RTL4: variants seen among roughly 807,000 people sequenced by gnomAD.
RTL4 encodes the protein retrotransposon Gag-like protein 4.
A neutral mutation model predicts 5.3 loss-of-function variants in RTL4; 4 were observed. The ratio of observed to expected loss-of-function variants is 0.75; its 90% CI spans 0.37 to 1.72. The LOEUF is 1.72. Among genes scored for constraint, RTL4 ranks in the 40% most tolerant of loss-of-function variants. The pLI is 0.04. For synonymous variants in RTL4, 98 were observed against 87.3 expected (o/e 1.12, Z -0.68); for missense variants, 260 against 227.1 (o/e 1.14, Z -0.93).
chrX:112,325,105 C>T, the RTL4 span, among the ~76,000 whole-genome samples: 1 of 111,179 alleles, frequency 9.0e-6, no homozygotes. Context: ...ATGTGAAGGA[C>T]CTCTTCAAGG....
the RTL4 span, among the ~76,000 whole-genome samples, chrX:112,162,590 G>T: frequency 9.0e-6 from 1 of 111,641 alleles, no homozygotes; most frequent in Non-Finnish European, 1.9e-5. Flanking sequence ...CAATTAAATG[G>T]AAATAATTCT....
the RTL4 span, among the ~76,000 whole-genome samples, chrX:112,183,259 C>T: frequency 7.1e-5 from 8 of 111,903 alleles, no homozygotes; most frequent in Non-Finnish European, 1.5e-4. Flanking sequence ...CATCAACTAA[C>T]GGGCAAAATA....
the RTL4 span, among the ~76,000 whole-genome samples, chrX:112,436,084 G>T: frequency 4.5e-5 from 5 of 111,203 alleles, no homozygotes; most frequent in Admixed American, 1.9e-4. Context: ...TGGCATGGTG[G>T]TGTATGCCTG....
At chrX:112,247,980 A>G in the RTL4 span, among the ~76,000 whole-genome samples, 1 of 110,901 alleles carries the variant, frequency 9.0e-6, no homozygotes, top group Non-Finnish European at 1.9e-5. Context: ...CTGCATGTAA[A>G]CAGATTTGGC....
At chrX:112,377,939 A>G in the RTL4 span, among the ~76,000 whole-genome samples, 1 of 112,079 alleles carries the variant, frequency 8.9e-6, no homozygotes, top group African/African-American at 3.2e-5. Context: ...GAAATGGAGC[A>G]TCTCATCATG....
chrX:112,267,535 T>C, the RTL4 span, among the ~76,000 whole-genome samples: 1 of 111,847 alleles, frequency 8.9e-6, no homozygotes, highest in African/African-American at 3.3e-5. Context: ...CTCTTCTATT[T>C]GTACTCGTTG....
chrX:112,261,019 G>A, the RTL4 span, among the ~76,000 whole-genome samples: 3 of 111,560 alleles, frequency 2.7e-5, no homozygotes, highest in East Asian at 2.8e-4. Flanking sequence ...GCATCACTAC[G>A]ATTGAACCTC....
At chrX:112,246,910 G>C in the RTL4 span, among the ~76,000 whole-genome samples, 1 of 111,944 alleles carries the variant, frequency 8.9e-6, no homozygotes, top group Non-Finnish European at 1.9e-5. Flanking sequence ...AAGCTAAATG[G>C]ATGTAAGATT....
chrX:112,410,080 T>C, the RTL4 span, among the ~76,000 whole-genome samples: 1 of 112,087 alleles, frequency 8.9e-6, no homozygotes, highest in Non-Finnish European at 1.9e-5. Flanking sequence ...GGAATAGCTA[T>C]AGTTATATCA....
the RTL4 span, among the ~76,000 whole-genome samples, chrX:112,173,885 A>G: frequency 9.0e-6 from 1 of 111,000 alleles, no homozygotes; most frequent in African/African-American, 3.3e-5. Context: ...TTGAAATCCC[A>G]CAGGGCAGTA....
chrX:112,419,337 C>CTTTTTTTT, the RTL4 span, among the ~76,000 whole-genome samples: 35 of 24,392 alleles, frequency 1.4e-3, 7 homozygotes, highest in Admixed American at 2.7e-3. Context: ...TTCCATTCAG[C>CTTTTTTTT]TTTTTTTTTT....
chrX:112,149,704 C>T, the RTL4 span, among the ~76,000 whole-genome samples: 1 of 112,321 alleles, frequency 8.9e-6, no homozygotes, highest in East Asian at 2.8e-4. Context: ...ATGTGCTAGG[C>T]ATTGTGCTAG....
chrX:112,083,947 G>A, the RTL4 span, among the ~76,000 whole-genome samples: 5 of 110,732 alleles, frequency 4.5e-5, no homozygotes, highest in Non-Finnish European at 9.5e-5. Context: ...TCCCTTCCTA[G>A]CGCTCTCAGG....
At chrX:112,408,911 T>C in the RTL4 span, among the ~76,000 whole-genome samples, 1 of 112,241 alleles carries the variant, frequency 8.9e-6, no homozygotes, top group Non-Finnish European at 1.9e-5. Flanking sequence ...CAGCCTAGCA[T>C]AGTATATCCA....
the RTL4 span, among the ~76,000 whole-genome samples, chrX:112,396,793 T>C: frequency 1.8e-5 from 2 of 111,746 alleles, no homozygotes; most frequent in Non-Finnish European, 3.8e-5. Flanking sequence ...CTTTTCATTA[T>C]CAGGTATTCT....
the RTL4 span, among the ~76,000 whole-genome samples, chrX:112,270,837 T>G: frequency 9.1e-6 from 1 of 110,358 alleles, no homozygotes; most frequent in Admixed American, 9.7e-5. Flanking sequence ...GAAATGCTGC[T>G]TTTTTACTGT....
chrX:112,091,807 A>C, the RTL4 span, among the ~76,000 whole-genome samples: 507 of 111,073 alleles, frequency 4.6e-3, 2 homozygotes, highest in Non-Finnish European at 7.4e-3. Flanking sequence ...GTCTTCATCT[A>C]TCTATTATTG....
At chrX:112,254,784 G>C in the RTL4 span, among the ~76,000 whole-genome samples, 1 of 110,989 alleles carries the variant, frequency 9.0e-6, no homozygotes, top group African/African-American at 3.3e-5. Context: ...ATAATTTTCA[G>C]AAAAAAAGAT....
the RTL4 span, among the ~76,000 whole-genome samples, chrX:112,241,273 C>T: frequency 5.4e-5 from 6 of 111,625 alleles, no homozygotes; most frequent in Non-Finnish European, 9.4e-5. Context: ...GCCACACTGT[C>T]TCCCACAATG....
Sources: allele counts gnomAD v4.1 joint callset (sites outside exome capture counted in the v4.1 genomes callset), GRCh38; gene constraint gnomAD v4.1.1; transcripts MANE v1.5; gene names NCBI Gene and HGNC (gene_info 2026-07-23, HGNC 2026-07-21).